Variants in CCDC40 observed in about 807,000 individuals in gnomAD.
CCDC40 encodes coiled-coil domain 40 molecular ruler complex subunit.
A neutral mutation model predicts 124.5 loss-of-function variants in CCDC40; 104 were observed. The ratio of observed to expected loss-of-function variants is 0.84; its 90% CI spans 0.71 to 0.98. The LOEUF (loss-of-function observed/expected upper bound fraction) is 0.98. CCDC40 is among the 50% of genes least tolerant of loss of function. The pLI, the probability that CCDC40 is intolerant of heterozygous loss-of-function variation, is 0.00. For synonymous variants in CCDC40, 580 were observed against 602.9 expected, an observed-to-expected ratio of 0.96 and a Z score of 0.56; for missense variants, 1,463 against 1,503.9, an observed-to-expected ratio of 0.97 and a Z score of 0.45.
At chr17:80,055,700 G>A (rs2037716955) in intron 7 of CCDC40, among the ~76,000 whole-genome samples, 1 of 151,972 alleles carries the variant, frequency 6.6e-6, no homozygotes, top group Non-Finnish European at 1.5e-5. Context: ...TTTTGGAAAA[G>A]TAATGATTCA....
intron 4 of CCDC40, among the ~76,000 whole-genome samples, chr17:80,047,689 C>T (rs1428575915): frequency 6.6e-6 from 1 of 152,208 alleles, no homozygotes; most frequent in African/African-American, 2.4e-5. Flanking sequence ...CAGAACGCGG[C>T]CTTCACCAAG....
At chr17:80,079,798 G>C (rs2038404889) in intron 10 of CCDC40, among the ~76,000 whole-genome samples, 1 of 150,554 alleles carries the variant, frequency 6.6e-6, no homozygotes, top group Non-Finnish European at 1.5e-5. Context: ...AGGCATGGTG[G>C]CACACGCCTG....
intron 10 of CCDC40, among the ~76,000 whole-genome samples, chr17:80,070,684 A>C (rs1012525750): frequency 6.6e-6 from 1 of 152,022 alleles, no homozygotes; most frequent in Non-Finnish European, 1.5e-5. Context: ...GGGTGGGAGG[A>C]TTGCTTGAGC....
intron 10 of CCDC40, among the ~76,000 whole-genome samples, chr17:80,068,622 G>A (rs529288378): frequency 1.3e-4 from 20 of 151,996 alleles, no homozygotes; most frequent in East Asian, 3.9e-4. Flanking sequence ...ATACCAGGCC[G>A]GTACCCTGGT....
chr17:80,047,368 C>A lies in CCDC40; in HGVS notation c.642C>A (p.Ser214=). Residue 214 remains serine (S), a synonymous_variant, in exon 4 of 20, where the codon TCC becomes TCA. Transcript: ENST00000397545. ...TGAGCCACGGGAGCGACATCGAGTC[C>A]TCAGACCTGGAGGAGTTCGTCTCGC... ...FRLSHGSDIE[S]SDLEEFVSQE... The A allele has an allele frequency of 6.2e-7, 1 of 1,613,622 alleles. No individual in the cohort carries two copies.
Position 80,065,373 on chromosome 17 carries a change from G to A in CCDC40, c.1441-112G>A, listed in dbSNP as rs567657702. ...CAGATGCATGATCAAGGAAAGTACC[G>A]GTGATAGAAGGAAAAGAGGAAGATT... On this transcript the variant is annotated intron_variant, in intron 9 of 19. Transcript: ENST00000397545. 4.0e-4 allele frequency: 558 copies of A among 1,401,016 alleles called. 1 individual carries two copies. In the African/African-American group the frequency reaches 6.8e-3, roughly 17 times the overall value. 86.8% of individuals were successfully genotyped at this position (1,401,016 alleles called of 1,614,324 possible).
At chr17:80,076,667 A>AC (rs2038318706) in intron 10 of CCDC40, among the ~76,000 whole-genome samples, 1 of 147,090 alleles carries the variant, frequency 6.8e-6, no homozygotes, top group Admixed American at 6.6e-5. Context: ...TCAATGCAAG[A>AC]CCCTCTACCA....
At chr17:80,068,893 GC>G (rs1340038806) in intron 10 of CCDC40, among the ~76,000 whole-genome samples, 1 of 152,246 alleles carries the variant, frequency 6.6e-6, no homozygotes, top group Non-Finnish European at 1.5e-5. Context: ...GGACACAGGA[GC>G]GGATGACACA....
At chr17:80,083,122 C>T (rs1431947689) in intron 12 of CCDC40, among the ~76,000 whole-genome samples, 1 of 151,684 alleles carries the variant, frequency 6.6e-6, no homozygotes, top group Non-Finnish European at 1.5e-5. Context: ...CCACAGAGAC[C>T]ACAAACAGCC....
chr17:80,094,270 G>C (rs2038767855), intron 17 of CCDC40, among the ~76,000 whole-genome samples: 1 of 147,944 alleles, frequency 6.8e-6, no homozygotes, highest in African/African-American at 2.4e-5. Flanking sequence ...AAAATAGCCA[G>C]GCGTGGTGGC....
intron 10 of CCDC40, chr17:80,067,304 TCTC>T (rs769445881): frequency 9.0e-5 from 51 of 568,630 alleles, no homozygotes; most frequent in African/African-American, 4.9e-4. Flanking sequence ...TTCGATCAGG[TCTC>T]CTCCTCCTCG....
At chr17:80,098,521 T>G (rs1208375908) in intron 19 of CCDC40, among the ~76,000 whole-genome samples, 1 of 152,268 alleles carries the variant, frequency 6.6e-6, no homozygotes, top group Non-Finnish European at 1.5e-5. Flanking sequence ...ATGGGATTCC[T>G]GCTGGGTTGG....
chr17:80,085,312 C>A (rs2038559374), intron 13 of CCDC40, among the ~76,000 whole-genome samples: 1 of 152,256 alleles, frequency 6.6e-6, no homozygotes, highest in Non-Finnish European at 1.5e-5. Context: ...TTCAAGGCCA[C>A]TGAAGTCTGA....
chr17:80,044,553 G>T (rs1235753426), intron 3 of CCDC40, among the ~76,000 whole-genome samples: 21 of 151,796 alleles, frequency 1.4e-4, no homozygotes, highest in Admixed American at 5.9e-4. Flanking sequence ...GTGTGTTGGT[G>T]CACACCTGTA....
At chr17:80,056,467 A>G (rs953715249) in intron 7 of CCDC40, among the ~76,000 whole-genome samples, 2 of 151,978 alleles carry the variant, frequency 1.3e-5, no homozygotes, top group African/African-American at 4.8e-5. Context: ...AAAAAATACA[A>G]AAATGAGAAA....
At chr17:80,048,917 C>T (rs2037503249) in intron 5 of CCDC40, among the ~76,000 whole-genome samples, 156 bp downstream of exon 5, 1 of 152,190 alleles carries the variant, frequency 6.6e-6, no homozygotes, top group South Asian at 2.1e-4. Flanking sequence ...ATTGACCTGC[C>T]TCTTCGTAGG....
At position 80,047,333 on chromosome 17, in the gene CCDC40, C is replaced by G. The variant is rs367978204; in HGVS notation, c.607C>G (p.Arg203Gly). 6.2e-7 allele frequency: 1 copy of G among 1,613,874 alleles called. No individual in the cohort carries two copies. Among genetic ancestry groups the G allele is most frequent in the South Asian group, 1.1e-5 (1 of 91,068 alleles). The change falls in exon 4 of 20, where the codon CGC becomes GGC. Residue 203 changes from arginine (R) to glycine (G), a missense_variant. Coordinates refer to ENST00000397545, the MANE Select transcript of CCDC40 (RefSeq NM_017950.4). ...GQVLPMGVQH[R>G]FRLSHGSDIE... ...GGTGCTCCCAATGGGCGTCCAGCAC[C>G]GCTTCCGGCTGAGCCACGGGAGCGA...
At chr17:80,063,899 C>G (rs1002285218) in intron 9 of CCDC40, among the ~76,000 whole-genome samples, 3 of 152,096 alleles carry the variant, frequency 2.0e-5, no homozygotes, top group Non-Finnish European at 4.4e-5. Flanking sequence ...GTGACTGATA[C>G]GCTAATTACC....
intron 7 of CCDC40, among the ~76,000 whole-genome samples, chr17:80,052,238 C>T (rs2037619774): frequency 6.6e-6 from 1 of 152,178 alleles, no homozygotes; most frequent in Non-Finnish European, 1.5e-5. Flanking sequence ...CAAGGTCCCA[C>T]AATAGGCCGT....
Sources: allele counts gnomAD v4.1 joint callset (sites outside exome capture counted in the v4.1 genomes callset), GRCh38; gene constraint gnomAD v4.1.1; transcripts MANE v1.5; gene names NCBI Gene and HGNC (gene_info 2026-07-23, HGNC 2026-07-21).